The following SEZ6L variants were observed in gnomAD, a reference collection of about 807,000 sequenced individuals.
SEZ6L encodes the protein seizure related 6 homolog like.
Under a neutral mutation model 106.2 loss-of-function variants are expected in SEZ6L, and 37 were observed. The ratio of observed to expected loss-of-function variants is 0.35; its 90% CI spans 0.27 to 0.46. The LOEUF (loss-of-function observed/expected upper bound fraction) is 0.46, where lower values mean the gene tolerates loss of function less well. SEZ6L is among the 20% of genes least tolerant of loss of function. SEZ6L has a pLI of 1.00. For missense variants in SEZ6L, 1,172 were observed against 1,332.8 expected, an observed-to-expected ratio of 0.88 and a Z score of 1.88; for synonymous variants, 541 against 570.4, an observed-to-expected ratio of 0.95 and a Z score of 0.73.
In SEZ6L at chr22:26,314,089, C is replaced by G. The variant is rs1056540820; in HGVS notation, c.2015+187C>G. 1.5e-3 allele frequency among the ~76,000 whole-genome samples: 219 copies of G among 142,654 alleles called. 2 individuals are homozygous for G. Among genetic ancestry groups the G allele is most frequent in the African/African-American group, 6.0e-3 (211 of 35,176 alleles). 93.6% of individuals were successfully genotyped at this position (142,654 alleles called of 152,430 possible). ...TCACAAATACACACACACACACACACACACACAGAGAGAGAGAGAGAGGAG... is the reference window on the plus strand; with the variant it reads ...TCACAAATACACACACACACACACAGACACACAGAGAGAGAGAGAGAGGAG... On this transcript the variant is annotated intron_variant, in intron 9 of 16. Transcript: ENST00000248933.
At chr22:26,215,041 G>A (rs559502711) in intron 1 of SEZ6L, among the ~76,000 whole-genome samples, 2 of 152,312 alleles carry the variant, frequency 1.3e-5, no homozygotes, top group East Asian at 1.9e-4. Context: ...TTTTAAGGGA[G>A]GAGAACAGAA....
intron 3 of SEZ6L, 150 bp downstream of exon 3, chr22:26,294,575 A>T (rs2081236129): frequency 7.4e-6 from 5 of 672,230 alleles, no homozygotes; most frequent in Admixed American, 2.7e-5. Context: ...GCGAATGAGT[A>T]GGAGTTCTTA....
intron 12 of SEZ6L, among the ~76,000 whole-genome samples, chr22:26,362,506 C>A (rs1031841675): frequency 6.6e-6 from 1 of 152,234 alleles, no homozygotes; most frequent in African/African-American, 2.4e-5. Flanking sequence ...TCTTCTATGG[C>A]ACCTGCCATT....
At chr22:26,227,280 A>G (rs993487551) in intron 1 of SEZ6L, among the ~76,000 whole-genome samples, 2 of 149,594 alleles carry the variant, frequency 1.3e-5, no homozygotes, top group Non-Finnish European at 3.0e-5. Flanking sequence ...TTCCTCAAGC[A>G]TAAAAACTGG....
At position 26,334,569 on chromosome 22, in the gene SEZ6L, A is replaced by G. The variant is rs554741114; in HGVS notation, c.2016-5867A>G. ...TCTGATTTACCTTCTGGAAAGATTCATCTGGCTGCTAAGGGGAGGAGTATC... is the reference window on the plus strand; with the variant it reads ...TCTGATTTACCTTCTGGAAAGATTCGTCTGGCTGCTAAGGGGAGGAGTATC... On this transcript the variant is annotated intron_variant, in intron 9 of 16. Coordinates refer to ENST00000248933, the MANE Select transcript of SEZ6L (RefSeq NM_021115.5). Among the ~76,000 whole-genome samples the G allele has an allele frequency of 4.9e-4, 74 of 152,346 alleles. 2 individuals are homozygous for G. Among genetic ancestry groups the G allele is most frequent in the African/African-American group, 1.7e-3 (69 of 41,580 alleles).
chr22:26,366,577 G>A lies in SEZ6L; in HGVS notation c.2794+1011G>A, dbSNP rs146935965. On this transcript the variant is annotated intron_variant, in intron 13 of 16. Transcript: ENST00000248933. ...ACAAAAATTAACCTGATGTGGTGAC[G>A]TGTGCCTGTAGTCCCAGCTACTTGG... 2.6e-3 allele frequency among the ~76,000 whole-genome samples: 395 copies of A among 151,776 alleles called. 5 individuals carry two copies. Among genetic ancestry groups the A allele is most frequent in the African/African-American group, 9.2e-3 (381 of 41,392 alleles).
intron 1 of SEZ6L, among the ~76,000 whole-genome samples, chr22:26,192,847 T>A (rs756659990): frequency 1.3e-5 from 2 of 152,152 alleles, no homozygotes; most frequent in Non-Finnish European, 2.9e-5. Flanking sequence ...ATAAAATAGA[T>A]GTGTAAAGGA....
intron 1 of SEZ6L, among the ~76,000 whole-genome samples, chr22:26,243,289 C>T (rs1030735274): frequency 6.6e-6 from 1 of 152,164 alleles, no homozygotes; most frequent in Non-Finnish European, 1.5e-5. Context: ...CAAGGATAAA[C>T]AAATATCCAT....
intron 1 of SEZ6L, 24 bp from the exon 2 acceptor site, chr22:26,292,382 T>C: frequency 6.3e-7 from 1 of 1,575,934 alleles, no homozygotes; most frequent in Non-Finnish European, 8.7e-7. Flanking sequence ...CCAAACTAAC[T>C]GGTGTCTTTT....
At chr22:26,252,448 G>GT (rs1377219856) in intron 1 of SEZ6L, among the ~76,000 whole-genome samples, 1 of 152,178 alleles carries the variant, frequency 6.6e-6, no homozygotes, top group Non-Finnish European at 1.5e-5. Flanking sequence ...GATTCATGGG[G>GT]TACATGTACA....
At chr22:26,372,012 A>G (rs1325214210) in intron 13 of SEZ6L, among the ~76,000 whole-genome samples, 3 of 152,070 alleles carry the variant, frequency 2.0e-5, no homozygotes, top group Non-Finnish European at 4.4e-5. Flanking sequence ...GGACTTGGGG[A>G]CCCCGGGCTC....
chr22:26,210,922 A>G (rs1201732554), intron 1 of SEZ6L, among the ~76,000 whole-genome samples: 3 of 152,178 alleles, frequency 2.0e-5, no homozygotes, highest in African/African-American at 7.2e-5. Flanking sequence ...CCTGGGACTC[A>G]CCCTCCTGCA....
intron 1 of SEZ6L, among the ~76,000 whole-genome samples, chr22:26,230,391 G>C (rs930578338): frequency 2.6e-5 from 4 of 151,994 alleles, no homozygotes; most frequent in Admixed American, 2.6e-4. Context: ...TCGTGCTTTG[G>C]GACCCTGGTC....
intron 13 of SEZ6L, among the ~76,000 whole-genome samples, chr22:26,371,054 T>C (rs2084018782): frequency 1.3e-5 from 2 of 151,800 alleles, no homozygotes; most frequent in African/African-American, 4.8e-5. Context: ...TGCTGTATTC[T>C]GTGTTTTACT....
chr22:26,370,912 G>A (rs2084010624), intron 13 of SEZ6L, among the ~76,000 whole-genome samples: 1 of 150,462 alleles, frequency 6.6e-6, no homozygotes, highest in African/African-American at 2.4e-5. Context: ...GCTGAGGCAG[G>A]AGCACTGCTT....
At chr22:26,293,683 C>A (rs564390732) in intron 2 of SEZ6L, among the ~76,000 whole-genome samples, 5 of 152,280 alleles carry the variant, frequency 3.3e-5, no homozygotes, top group African/African-American at 9.6e-5. Flanking sequence ...AAGCAACCTG[C>A]CAAAGGTCAC....
chr22:26,246,723 C>A (rs1002054240), intron 1 of SEZ6L, among the ~76,000 whole-genome samples: 2 of 152,030 alleles, frequency 1.3e-5, no homozygotes, highest in Non-Finnish European at 2.9e-5. Context: ...GAGTACGTAG[C>A]ACTGCGCCTG....
intron 1 of SEZ6L, among the ~76,000 whole-genome samples, chr22:26,248,344 C>T (rs1433369937): frequency 6.6e-6 from 1 of 152,132 alleles, no homozygotes; most frequent in African/African-American, 2.4e-5. Context: ...TAAGAGGGAA[C>T]TACTATTGGT....
intron 3 of SEZ6L, among the ~76,000 whole-genome samples, chr22:26,295,999 G>A (rs11704413): frequency 0.043 from 6,520 of 152,160 alleles, 176 homozygotes; most frequent in Middle Eastern, 0.061. Flanking sequence ...CCTGAAGGAA[G>A]AAGAGCTTGT....
Sources: gnomAD v4.1 joint callset for allele counts (sites outside exome capture counted in the v4.1 genomes callset) on GRCh38, gnomAD v4.1.1 for gene constraint, MANE v1.5 for transcripts, NCBI Gene and HGNC (gene_info 2026-07-23, HGNC 2026-07-21) for gene names.